Variants in KLHL25 observed in about 807,000 individuals in gnomAD.
KLHL25 encodes the protein kelch-like protein 25.
KLHL25 carries 41 observed loss-of-function variants against 30.0 expected under a neutral mutation model. That is an observed-to-expected ratio of 1.37 (90% CI 1.07 to 1.78). The LOEUF (loss-of-function observed/expected upper bound fraction) is 1.78, where lower values mean the gene tolerates loss of function less well. KLHL25 is among the 40% of genes most tolerant of loss of function. KLHL25 has a pLI of 0.00. For synonymous variants in KLHL25, 399 were observed against 355.3 expected, an observed-to-expected ratio of 1.12 and a Z score of -1.38; for missense variants, 971 against 824.5, an observed-to-expected ratio of 1.18 and a Z score of -2.18.
chr15:85,772,037 T>C (rs913338478), intron 1 of KLHL25, among the ~76,000 whole-genome samples: 21 of 152,176 alleles, frequency 1.4e-4, no homozygotes, highest in Non-Finnish European at 2.2e-4. Context: ...CTTGCTGTGA[T>C]TGCTAAACTC....
At chr15:85,790,149 G>A (rs534394962) in intron 1 of KLHL25, among the ~76,000 whole-genome samples, 5 of 152,176 alleles carry the variant, frequency 3.3e-5, no homozygotes, top group African/African-American at 4.8e-5. Context: ...GAGTGCAATG[G>A]TGCAATCTCG....
chr15:85,769,886 C>T (rs777932602), intron 1 of KLHL25, 66 bp from the exon 2 acceptor site: 1 of 1,303,886 alleles, frequency 7.7e-7, no homozygotes, highest in Non-Finnish European at 1.1e-6. Context: ...TCAGGGCTCA[C>T]TCTTCAGCAC....
rs1173309035 is a variant in KLHL25, at chr15:85,769,161, C to T, written c.650G>A (p.Trp217Ter). 3 of 1,613,060 alleles carry T rather than the reference C, an allele frequency of 1.9e-6. No individual in the cohort carries two copies. The highest frequency in any genetic ancestry group is 2.5e-6 in the Non-Finnish European group (3 of 1,179,762). Residue 217 changes from tryptophan (W) to a stop codon, truncating the protein, a stop_gained, in exon 2 of 3, where the codon TGG (tryptophan) becomes TAG (stop). Transcript: ENST00000337975. LOFTEE classifies it high-confidence loss of function. ...CCGTGGCTCCAGGTCGTGCTTCACC[C>T]ACTGGAGGATGGCCTCGAAGACCAC... ...ERVVFEAILQWVKHDLEPRKV... is the reference protein window; with the variant it reads ...ERVVFEAILQ
At chr15:85,763,262 C>A (rs1380629817) in intron 2 of KLHL25, 1 of 152,418 alleles carries the variant, frequency 6.6e-6, no homozygotes, top group Non-Finnish European at 1.5e-5. Flanking sequence ...GGTTCCAGCT[C>A]AGCAATTCCC....
chr15:85,788,556 AC>A (rs1159835886), intron 1 of KLHL25, among the ~76,000 whole-genome samples: 1 of 152,062 alleles, frequency 6.6e-6, no homozygotes, highest in Admixed American at 6.5e-5. Flanking sequence ...AAATGAGGAA[AC>A]CAACAGTCCA....
At position 85,768,386 on chromosome 15, in the gene KLHL25, C is replaced by T; in HGVS notation, c.1425G>A (p.Lys475=). 1 of 1,613,702 alleles carries T rather than the reference C, an allele frequency of 6.2e-7. No homozygotes were observed. The change falls in exon 2 of 3, where the codon AAG becomes AAA. Residue 475 remains lysine, a synonymous_variant. Transcript: ENST00000337975. ...ACCGCCAAGGCTGGGGGCACTCGGC[C>T]TTGATCGTCCACCTGTTCTCCGAGG... ...YDPSENRWTI[K]AECPQPWRYT...
rs71141486 is a variant in KLHL25, at chr15:85,774,880, CTTTTTT to C, written c.-10-5066_-10-5061del. Among the ~76,000 whole-genome samples the C allele has an allele frequency of 1.3e-4, 18 of 140,450 alleles. No homozygotes were observed. In the Admixed American group the frequency reaches 1.3e-3, roughly 10 times the overall value. The allele number at this position is 140,450 out of a possible 152,430, so 92.1% of individuals were successfully genotyped here. A position where few individuals can be genotyped will look rare whatever the true frequency, so the allele number is the denominator to read the frequency against. ...CGCAGTGCGATTCTTTTTTTCTTTT[CTTTTTT>C]TTTTTTTTGAGACGGAGTCTTGCTC... On this transcript the variant is annotated intron_variant, in intron 1 of 2. Transcript: ENST00000337975.
rs372590476 is a variant in KLHL25, at chr15:85,780,945, G to C, written c.-10-11125C>G. Reference sequence around the variant, plus strand: ...CACCGCAGCATGGTTACAAAAGGAGGGGCTGCGAACAACTACAATGTTCAC... The same window carrying C: ...CACCGCAGCATGGTTACAAAAGGAGCGGCTGCGAACAACTACAATGTTCAC... On this transcript the variant is annotated intron_variant, in intron 1 of 2. Transcript: ENST00000337975. 2.0e-4 allele frequency among the ~76,000 whole-genome samples: 31 copies of C among 152,304 alleles called. No homozygotes were observed. In the East Asian group the frequency reaches 5.4e-3, roughly 27 times the overall value.
chr15:85,772,109 C>A (rs1441486861), intron 1 of KLHL25, among the ~76,000 whole-genome samples: 2 of 152,232 alleles, frequency 1.3e-5, no homozygotes, highest in African/African-American at 2.4e-5. Context: ...CCAAATGTGG[C>A]TCTGTCCCCT....
At chr15:85,773,373 G>A (rs368827292) in intron 1 of KLHL25, among the ~76,000 whole-genome samples, 3 of 152,354 alleles carry the variant, frequency 2.0e-5, no homozygotes, top group South Asian at 2.1e-4. Flanking sequence ...CCGAGGCAGT[G>A]GTGAATGCTG....
intron 1 of KLHL25, among the ~76,000 whole-genome samples, chr15:85,781,579 G>A (rs1293305808): frequency 2.0e-5 from 3 of 152,078 alleles, no homozygotes; most frequent in East Asian, 1.9e-4. Context: ...CACCTCCTGG[G>A]TTCAAGCAAT....
intron 1 of KLHL25, among the ~76,000 whole-genome samples, chr15:85,785,292 A>G (rs1001074633): frequency 6.6e-6 from 1 of 151,936 alleles, no homozygotes; most frequent in African/African-American, 2.4e-5. Context: ...ACGAGGTTTC[A>G]CAATGTTAGC....
In KLHL25 at chr15:85,768,347, G is replaced by A. The variant is rs2089638769; in HGVS notation, c.1464C>T (p.Ala488=). ...TGATGAAGATCTGGCTGCCCAGGAC[G>A]GCAGCGGCTGTGTACCGCCAAGGCT... is the stretch of plus-strand genomic sequence containing the variant. The part of the protein sequence containing the change: ...CPQPWRYTAA[A]VLGSQIFIMG... The change falls in exon 2 of 3, where the codon GCC becomes GCT. Residue 488 remains alanine, a synonymous_variant. Coordinates refer to ENST00000337975, the MANE Select transcript of KLHL25 (RefSeq NM_022480.4). The A allele has an allele frequency of 6.2e-6, 10 of 1,613,646 alleles. No individual in the cohort carries two copies. Among genetic ancestry groups the A allele is most frequent in the Admixed American group, 3.3e-5 (2 of 60,004 alleles).
At chr15:85,765,649 A>AAGG (rs1180526856) in intron 2 of KLHL25, among the ~76,000 whole-genome samples, 1 of 149,630 alleles carries the variant, frequency 6.7e-6, no homozygotes, top group African/African-American at 2.5e-5. Context: ...GAAGAAGAAG[A>AAGG]AGAAGAAAAC....
Position 85,794,881 on chromosome 15 carries a change from C to T in KLHL25, c.-126G>A, listed in dbSNP as rs1053694534. The stretch of plus-strand genomic sequence containing the variant: ...GGCCGGCTCTCCACAGGCAAAAACG[C>T]TCTCGCTGCGATACAGCCTAGGCGC... On this transcript the variant is annotated 5_prime_UTR_variant, in exon 1 of 3. Transcript: ENST00000337975. The T allele has an allele frequency of 6.6e-6, 1 of 152,316 alleles. No individual in the cohort carries two copies. The allele number at this position is 152,316 out of a possible 1,614,324, so 9.4% of individuals were successfully genotyped here.
intron 1 of KLHL25, among the ~76,000 whole-genome samples, chr15:85,790,121 C>T (rs921434655): frequency 1.3e-5 from 2 of 152,140 alleles, no homozygotes; most frequent in Non-Finnish European, 2.9e-5. Context: ...CGGAGTTTCG[C>T]TCTTGTCACC....
At position 85,768,434 on chromosome 15, in the gene KLHL25, C is replaced by A. The variant is rs1344567053; in HGVS notation, c.1377G>T (p.Val459=). The A allele has an allele frequency of 1.1e-5, 18 of 1,613,310 alleles. No individual in the cohort carries two copies. Among genetic ancestry groups the A allele is most frequent in the Non-Finnish European group, 1.4e-5 (17 of 1,179,758 alleles). The part of the protein sequence containing the change: ...FGGTSIHRDM[V]SKVQCYDPSE... ...AGGGGTCATAGCACTGGACCTTGGA[C>A]ACCATGTCCCGGTGGATGCTGGTTC... Residue 459 remains valine (V), a synonymous_variant, in exon 2 of 3, where the codon GTG becomes GTT. Coordinates refer to ENST00000337975, the MANE Select transcript of KLHL25 (RefSeq NM_022480.4).
In KLHL25 at chr15:85,768,447, T is replaced by C. The variant is rs1455564923; in HGVS notation, c.1364A>G (p.His455Arg). Residue 455 changes from histidine (H) to arginine (R), a missense_variant, in exon 2 of 3, where the codon CAC becomes CGC. By Grantham distance (29) the His-to-Arg change is conservative. Coordinates refer to ENST00000337975, the MANE Select transcript of KLHL25 (RefSeq NM_022480.4). ...KLFVFGGTSI[H>R]RDMVSKVQCY... Reference sequence around the variant, plus strand: ...CTGGACCTTGGACACCATGTCCCGGTGGATGCTGGTTCCTCCGAAAACAAA... The same window carrying C: ...CTGGACCTTGGACACCATGTCCCGGCGGATGCTGGTTCCTCCGAAAACAAA... 2 of 1,613,358 alleles carry C rather than the reference T, an allele frequency of 1.2e-6. No homozygotes were observed. Among genetic ancestry groups the C allele is most frequent in the East Asian group, 4.5e-5 (2 of 44,862 alleles).
intron 1 of KLHL25, among the ~76,000 whole-genome samples, chr15:85,779,042 A>G (rs2089727852): frequency 6.7e-6 from 1 of 149,358 alleles, no homozygotes; most frequent in African/African-American, 2.5e-5. Flanking sequence ...CTCCTCACCA[A>G]CAATTTTTTT....
Sources: allele counts gnomAD v4.1 joint callset (sites outside exome capture counted in the v4.1 genomes callset), GRCh38; gene constraint gnomAD v4.1.1; transcripts MANE v1.5; gene names NCBI Gene and HGNC (gene_info 2026-07-23, HGNC 2026-07-21).